Variants in ELK1 observed in about 807,000 individuals in gnomAD.
ELK1 encodes the protein ETS transcription factor ELK1.
For missense variants in ELK1, 254 were observed against 381.5 expected, an observed-to-expected ratio of 0.67 and a Z score of 2.78; for synonymous variants, 163 against 176.3, an observed-to-expected ratio of 0.92 and a Z score of 0.60.
At chrX:47,642,756 GC>G (rs1414994058) in intron 2 of ELK1, among the ~76,000 whole-genome samples, 48 of 110,027 alleles carry the variant, frequency 4.4e-4, no homozygotes, top group African/African-American at 1.5e-3. Context: ...CCACGACCAC[GC>G]CCGGCTAATT....
At position 47,638,084 on chromosome X, in the gene ELK1, T is replaced by G. The variant is rs2058015882; in HGVS notation, c.753A>C (p.Glu251Asp). 1.7e-6 allele frequency: 2 copies of G among 1,209,619 alleles called. No homozygotes were observed. The highest frequency in any genetic ancestry group is 2.2e-6 in the Non-Finnish European group (2 of 894,910). Reference sequence around the variant, plus strand: ...CAACTTCCAACTCTTCCTTGGGCCCTTCTACTTTCACTTCTGGGGGCAAAG... The same window carrying G: ...CAACTTCCAACTCTTCCTTGGGCCCGTCTACTTTCACTTCTGGGGGCAAAG... ...GRALPPEVKV[E>D]GPKEELEVAG... is the part of the protein sequence containing the mutation. Residue 251 changes from glutamate to aspartate, a missense_variant, in exon 5 of 7, where the codon GAA (glutamate) becomes GAC (aspartate). Transcript: ENST00000376983.
intron 2 of ELK1, among the ~76,000 whole-genome samples, chrX:47,643,950 AAAG>A (rs2058035942): frequency 8.9e-6 from 1 of 111,806 alleles, no homozygotes; most frequent in African/African-American, 3.3e-5. Flanking sequence ...CATGTCCTTC[AAAG>A]AACAGGATCC....
intron 2 of ELK1, among the ~76,000 whole-genome samples, chrX:47,645,161 A>AG (rs1170423896): frequency 2.7e-5 from 3 of 110,515 alleles, no homozygotes; most frequent in Non-Finnish European, 5.7e-5. Flanking sequence ...GTAAGTTTTG[A>AG]GGGGGGTCAC....
At chrX:47,640,934 G>A (rs2058026277) in intron 3 of ELK1, among the ~76,000 whole-genome samples, 1 of 111,573 alleles carries the variant, frequency 9.0e-6, no homozygotes, top group Non-Finnish European at 1.9e-5. Flanking sequence ...ATAGGAATAC[G>A]GCAGGAAAAT....
Position 47,636,812 on chromosome X carries a change from G to C in ELK1, c.*17C>G. 8.9e-7 allele frequency: 1 copy of C among 1,124,786 alleles called. No homozygotes were observed. The highest frequency in any genetic ancestry group is 1.2e-6 in the Non-Finnish European group (1 of 846,061). The allele number at this position is 1,124,786 out of a possible 1,213,427, so 92.7% of individuals were successfully genotyped here. On this transcript the variant is annotated 3_prime_UTR_variant, in exon 7 of 7. Coordinates refer to ENST00000376983, the MANE Select transcript of ELK1 (RefSeq NM_001114123.3). ...ATGGAGTGACCCCAGAAGGGGTGGT[G>C]GTGGTGGTGGTAGTAGTCATGGCTT... is the stretch of plus-strand genomic sequence containing the variant.
At chrX:47,642,005 ACCTG>A (rs1418648579) in intron 2 of ELK1, among the ~76,000 whole-genome samples, 15 of 112,037 alleles carry the variant, frequency 1.3e-4, no homozygotes, top group Non-Finnish European at 2.1e-4. Flanking sequence ...GAGGGACTCA[ACCTG>A]CCATTGTTGG....
chrX:47,647,076 A>G lies in ELK1; in HGVS notation c.-35+2845T>C, dbSNP rs1239085965. 4.7e-5 allele frequency among the ~76,000 whole-genome samples: 5 copies of G among 106,201 alleles called. 1 individual carries two copies. Among genetic ancestry groups the G allele is most frequent in the Admixed American group, 2.0e-4 (2 of 9,934 alleles). The allele number at this position is 106,201 out of a possible 115,157, so 92.2% of individuals were successfully genotyped here. A position where few individuals can be genotyped will look rare whatever the true frequency, so the allele number is the denominator to read the frequency against. ...CCAATACTCGATTCCTACCTGCCCT[A>G]TTTCATTATTTCTTCTCAGCATTTG... On this transcript the variant is annotated intron_variant, in intron 2 of 6. Coordinates refer to ENST00000376983, the MANE Select transcript of ELK1 (RefSeq NM_001114123.3).
Position 47,650,488 on chromosome X carries a change from G to A in ELK1, c.-206C>T. ...TCCGGGGGGCGGGGGCTCCATACGC[G>A]GCCCCACCGCCCCCCAGGCCTGGGT... On this transcript the variant is annotated 5_prime_UTR_variant, in exon 1 of 7. Transcript: ENST00000376983. 1 of 329,192 alleles carries A rather than the reference G, an allele frequency of 3.0e-6. No individual in the cohort carries two copies. 27.1% of individuals were successfully genotyped at this position (329,192 alleles called of 1,213,427 possible).
At chrX:47,643,329 T>A (rs1276309635) in intron 2 of ELK1, among the ~76,000 whole-genome samples, 1 of 112,197 alleles carries the variant, frequency 8.9e-6, no homozygotes, top group East Asian at 2.8e-4. Flanking sequence ...ACAGAGATAT[T>A]GTACAGATTA....
At position 47,636,594 on chromosome X, in the gene ELK1, T is replaced by C. The variant is rs2058008829; in HGVS notation, c.*235A>G. On this transcript the variant is annotated 3_prime_UTR_variant, in exon 7 of 7. Transcript: ENST00000376983. ...GCCCCTACCATTGAAGTAGGAGACG[T>C]GTAAGGGCGGCCACTGGGGGACTGA... is the stretch of plus-strand genomic sequence containing the variant. 8 of 355,747 alleles carry C rather than the reference T, an allele frequency of 2.2e-5. No individual in the cohort carries two copies. The South Asian group carries it at 5.2e-4, about 23-fold the overall frequency. 29.3% of individuals were successfully genotyped at this position (355,747 alleles called of 1,213,427 possible). A position where few individuals can be genotyped will look rare whatever the true frequency, so the allele number is the denominator to read the frequency against.
chrX:47,640,344 G>C (rs778661651), intron 3 of ELK1, among the ~76,000 whole-genome samples: 1 of 111,628 alleles, frequency 9.0e-6, no homozygotes, highest in Non-Finnish European at 1.9e-5. Context: ...GGAGTGTGGA[G>C]GCACTAGGGC....
rs1480532245 is a variant in ELK1 at position 47,635,554 on chromosome X, T to C, written c.*1275A>G. The C allele has an allele frequency of 3.6e-5, 4 of 110,817 alleles. No homozygotes were observed. The highest frequency in any genetic ancestry group is 7.6e-5 in the Non-Finnish European group (4 of 52,830). The allele number at this position is 110,817 out of a possible 1,213,427, so 9.1% of individuals were successfully genotyped here. ...AAAAATATATATTTACAGGAACAAT[T>C]CCCCATTCTCTGGGACTCTTTAGAA... On this transcript the variant is annotated 3_prime_UTR_variant, in exon 7 of 7. Transcript: ENST00000376983.
Position 47,638,948 on chromosome X carries a change from G to T in ELK1, c.601C>A (p.Pro201Thr). 1 of 1,203,549 alleles carries T rather than the reference G, an allele frequency of 8.3e-7. No individual in the cohort carries two copies. Among genetic ancestry groups the T allele is most frequent in the East Asian group, 3.0e-5 (1 of 33,547 alleles). The change falls in exon 4 of 7, where the codon CCA (proline) becomes ACA (threonine). Residue 201 changes from proline (P) to threonine (T), a missense_variant. Pro to Thr is a conservative substitution (Grantham distance 38, BLOSUM62 -1). Coordinates refer to ENST00000376983, the MANE Select transcript of ELK1 (RefSeq NM_001114123.3). Reference protein sequence around the residue: ...APPSGSRSTSPSPLEACLEAE... With the variant: ...APPSGSRSTSTSPLEACLEAE... ...TCCAGACAGGCCTCCAAGGGGCTTG[G>T]ACTGGTGCTCCTGCTCCCCGAGGGG...
At chrX:47,641,203 G>T (rs191335854) in intron 3 of ELK1, 29 bp downstream of exon 3, 7 of 1,195,758 alleles carry the variant, frequency 5.9e-6, no homozygotes, top group African/African-American at 1.8e-5. Context: ...GTCAGGGGGG[G>T]GTTCCAGCCC....
chrX:47,645,875 GTTC>G (rs1440741476), intron 2 of ELK1, among the ~76,000 whole-genome samples: 1 of 111,906 alleles, frequency 8.9e-6, no homozygotes, highest in Non-Finnish European at 1.9e-5. Flanking sequence ...TTGCAAATCT[GTTC>G]TTCTTTCTGA....
At chrX:47,636,964 C>A in intron 6 of ELK1, 37 bp from the exon 7 acceptor site, 1 of 1,193,624 alleles carries the variant, frequency 8.4e-7, no homozygotes, top group Non-Finnish European at 1.1e-6. Flanking sequence ...CAGATGGGGG[C>A]CATTCTTGGG....
rs201698802 is a variant in ELK1 at position 47,638,057 on chromosome X, C to T, written c.780G>A (p.Ala260=). ...VEGPKEELEV[A]GERGFVPETT... is the part of the protein sequence containing the mutation. ...TTTCTGGCACAAACCCTCTCTCCCCCGCAACTTCCAACTCTTCCTTGGGCC... is the reference window on the plus strand; with the variant it reads ...TTTCTGGCACAAACCCTCTCTCCCCTGCAACTTCCAACTCTTCCTTGGGCC... The change falls in exon 5 of 7, where the codon GCG becomes GCA. Residue 260 remains alanine (A), a synonymous_variant. Coordinates refer to ENST00000376983, the MANE Select transcript of ELK1 (RefSeq NM_001114123.3). 105 of 1,209,985 alleles carry T rather than the reference C, an allele frequency of 8.7e-5. No homozygotes were observed. The highest frequency in any genetic ancestry group is 1.1e-4 in the Non-Finnish European group (98 of 895,171).
chrX:47,648,496 C>T (rs762663703), intron 2 of ELK1, among the ~76,000 whole-genome samples: 34 of 111,798 alleles, frequency 3.0e-4, no homozygotes, highest in Non-Finnish European at 5.7e-4. Context: ...ATACTGCATT[C>T]CACACACCAC....
chrX:47,643,398 A>G (rs1294658863), intron 2 of ELK1, among the ~76,000 whole-genome samples: 1 of 112,207 alleles, frequency 8.9e-6, no homozygotes, highest in African/African-American at 3.2e-5. Flanking sequence ...ATTTGTTCAT[A>G]GTCCCTTATC....
Sources: allele counts gnomAD v4.1 joint callset (sites outside exome capture counted in the v4.1 genomes callset), GRCh38; gene constraint gnomAD v4.1.1; transcripts MANE v1.5; gene names NCBI Gene and HGNC (gene_info 2026-07-23, HGNC 2026-07-21).